Variants in TAOK1 observed in about 807,000 individuals in gnomAD.
The protein encoded by TAOK1 is TAO kinase 1.
A neutral mutation model predicts 138.3 loss-of-function variants in TAOK1; 21 were observed. The ratio of observed to expected loss-of-function variants is 0.15; its 90% CI spans 0.11 to 0.22. The LOEUF (loss-of-function observed/expected upper bound fraction) is 0.22. Ranked by LOEUF, TAOK1 falls within the 10% of genes least tolerant of loss-of-function variation. The pLI, the probability that TAOK1 is intolerant of heterozygous loss-of-function variation, is 1.00. For synonymous variants in TAOK1, 361 were observed against 398.4 expected (o/e 0.91, Z 1.12); for missense variants, 651 against 1,227.7 (o/e 0.53, Z 7.02).
At chr17:29,412,438 G>GTCCATTCAAGTACTCT (rs1905170254) in intron 1 of TAOK1, among the ~76,000 whole-genome samples, 1 of 151,340 alleles carries the variant, frequency 6.6e-6, no homozygotes, top group Admixed American at 6.6e-5. Flanking sequence ...CTTTTTCTCT[G>GTCCATTCAAGTACTCT]TCCATTCAAG....
chr17:29,504,070 C>G (rs2031580930), intron 13 of TAOK1, among the ~76,000 whole-genome samples: 1 of 150,004 alleles, frequency 6.7e-6, no homozygotes, highest in South Asian at 2.1e-4. Context: ...GAGATAGTCC[C>G]TCTGCACTCC....
intron 1 of TAOK1, among the ~76,000 whole-genome samples, chr17:29,442,047 C>CT (rs563904145): frequency 6.3e-4 from 95 of 150,404 alleles, no homozygotes; most frequent in South Asian, 4.6e-3. Context: ...ATTTTTCTGT[C>CT]TTTTTTTTTG....
intron 1 of TAOK1, among the ~76,000 whole-genome samples, chr17:29,406,850 G>T (rs924593130): frequency 5.3e-5 from 8 of 152,156 alleles, no homozygotes; most frequent in Middle Eastern, 3.2e-3. Context: ...TTACAGGTGT[G>T]AGCTACCATG....
intron 1 of TAOK1, among the ~76,000 whole-genome samples, chr17:29,442,186 C>A (rs1410547393): frequency 6.6e-6 from 1 of 151,862 alleles, no homozygotes; most frequent in African/African-American, 2.4e-5. Flanking sequence ...GCTGGGACAA[C>A]AGGCATATGA....
At chr17:29,494,404 G>A (rs1390851081) in intron 10 of TAOK1, among the ~76,000 whole-genome samples, 2 of 152,080 alleles carry the variant, frequency 1.3e-5, no homozygotes, top group Admixed American at 1.3e-4. Context: ...AGCTGCTTGA[G>A]AGGCTGAGGT....
intron 5 of TAOK1, 72 bp from the exon 6 acceptor site, chr17:29,478,179 C>T: frequency 9.6e-7 from 1 of 1,040,976 alleles, no homozygotes; most frequent in South Asian, 1.9e-5. Context: ...TTAAAAATTG[C>T]CCCATGTATT....
intron 1 of TAOK1, among the ~76,000 whole-genome samples, chr17:29,394,625 A>G (rs747208116): frequency 9.2e-5 from 14 of 152,170 alleles, no homozygotes; most frequent in Non-Finnish European, 1.6e-4. Flanking sequence ...GTATATTAAA[A>G]TCACTTAATT....
intron 17 of TAOK1, among the ~76,000 whole-genome samples, chr17:29,525,885 T>C (rs2032001166): frequency 6.6e-6 from 1 of 152,194 alleles, no homozygotes; most frequent in Non-Finnish European, 1.5e-5. Flanking sequence ...TAGTCCCAGC[T>C]ACTTGGGAGG....
At chr17:29,540,803 C>G (rs933948722) in intron 19 of TAOK1, among the ~76,000 whole-genome samples, 1 of 151,426 alleles carries the variant, frequency 6.6e-6, no homozygotes, top group Non-Finnish European at 1.5e-5. Flanking sequence ...CTCCCAACCT[C>G]AAGTGATCTG....
intron 1 of TAOK1, among the ~76,000 whole-genome samples, chr17:29,440,380 T>G (rs1286815179): frequency 6.6e-6 from 1 of 152,136 alleles, no homozygotes; most frequent in Non-Finnish European, 1.5e-5. Context: ...TGTCATATTG[T>G]AACTCTGTGT....
Position 29,531,727 on chromosome 17 carries a change from C to T in TAOK1, c.2361+1108C>T, listed in dbSNP as rs568820140. 6.9e-4 allele frequency among the ~76,000 whole-genome samples: 104 copies of T among 151,188 alleles called. 1 individual carries two copies. Among genetic ancestry groups the T allele is most frequent in the African/African-American group, 2.3e-3 (96 of 41,228 alleles). On this transcript the variant is annotated intron_variant, in intron 18 of 19. Transcript: ENST00000261716. ...GCAGTGAGCCGAGATTGCGCCATTG[C>T]ACTCCAGCCTGGGCAACAAAACGAG...
intron 8 of TAOK1, among the ~76,000 whole-genome samples, chr17:29,486,720 A>G (rs1441013263): frequency 6.6e-6 from 1 of 152,204 alleles, no homozygotes; most frequent in Non-Finnish European, 1.5e-5. Context: ...GGCAAGTTTA[A>G]TGTTCTTTGA....
At chr17:29,539,860 A>G (rs553382329) in intron 19 of TAOK1, among the ~76,000 whole-genome samples, 2 of 152,314 alleles carry the variant, frequency 1.3e-5, no homozygotes, top group African/African-American at 4.8e-5. Context: ...AGCCTGGGTG[A>G]CAGAGCAAGA....
At chr17:29,409,333 ATTTT>A (rs869195465) in intron 1 of TAOK1, among the ~76,000 whole-genome samples, 130 of 59,000 alleles carry the variant, frequency 2.2e-3, no homozygotes, top group African/African-American at 6.6e-3. Context: ...ATATATATAT[ATTTT>A]TTTTTTTTTT....
At position 29,550,414 on chromosome 17, in the gene TAOK1, A is replaced by G. The variant is rs758136384; in HGVS notation, c.*7392A>G. 1.3e-5 allele frequency: 2 copies of G among 152,198 alleles called. No individual in the cohort carries two copies. Among genetic ancestry groups the G allele is most frequent in the African/African-American group, 4.8e-5 (2 of 41,452 alleles). The allele number at this position is 152,198 out of a possible 1,614,324, so 9.4% of individuals were successfully genotyped here. A position where few individuals can be genotyped will look rare whatever the true frequency, so the allele number is the denominator to read the frequency against. ...TAAGTCTGCTAAAGTTTTTTAGCCC[A>G]CTTAAAACTTAAGACAACCATTTAA... On this transcript the variant is annotated 3_prime_UTR_variant, in exon 20 of 20. Transcript: ENST00000261716.
chr17:29,411,179 C>T (rs1044589789), intron 1 of TAOK1, among the ~76,000 whole-genome samples: 4 of 148,154 alleles, frequency 2.7e-5, no homozygotes, highest in African/African-American at 1.0e-4. Context: ...GCAAGCTCCG[C>T]CTTCCGGGTT....
intron 1 of TAOK1, among the ~76,000 whole-genome samples, chr17:29,400,677 C>T (rs1904811322): frequency 6.6e-6 from 1 of 152,004 alleles, no homozygotes. Flanking sequence ...GGGAGAATTC[C>T]ACCTTCTGAA....
At chr17:29,408,126 A>T (rs1905045868) in intron 1 of TAOK1, among the ~76,000 whole-genome samples, 1 of 151,794 alleles carries the variant, frequency 6.6e-6, no homozygotes, top group African/African-American at 2.4e-5. Context: ...CATATTGCCT[A>T]GGCTGGTCTC....
rs2150780493 is a variant in TAOK1, at chr17:29,544,379, C to G, written c.*1357C>G. On this transcript the variant is annotated 3_prime_UTR_variant, in exon 20 of 20. Coordinates refer to ENST00000261716, the MANE Select transcript of TAOK1 (RefSeq NM_020791.4). ...TTCTAGTTCGTTGAGACTTAGTGAC[C>G]ATTTGGCATCAAGTTAACATCACAC... 6.6e-6 allele frequency: 1 copy of G among 152,582 alleles called. No individual in the cohort carries two copies. Among genetic ancestry groups the G allele is most frequent in the East Asian group, 1.9e-4 (1 of 5,174 alleles). The allele number at this position is 152,582 out of a possible 1,614,324, so 9.5% of individuals were successfully genotyped here. A position where few individuals can be genotyped will look rare whatever the true frequency, so the allele number is the denominator to read the frequency against.
Sources: gnomAD v4.1 joint callset for allele counts (sites outside exome capture counted in the v4.1 genomes callset) on GRCh38, gnomAD v4.1.1 for gene constraint, MANE v1.5 for transcripts, NCBI Gene and HGNC (gene_info 2026-07-23, HGNC 2026-07-21) for gene names.